GPC5: variants seen among roughly 807,000 people sequenced by gnomAD.
The protein encoded by GPC5 is glypican-5.
Under a neutral mutation model 53.9 loss-of-function variants are expected in GPC5, and 47 were observed. That is an observed-to-expected ratio of 0.87 (90% CI 0.69 to 1.11). The LOEUF (loss-of-function observed/expected upper bound fraction) is 1.11, where lower values mean the gene tolerates loss of function less well. Ranked by LOEUF, GPC5 falls within the 50% of genes most tolerant of loss-of-function variation. GPC5 has a pLI of 0.00. For missense variants in GPC5, 748 were observed against 713.1 expected (o/e 1.05, Z -0.56); for synonymous variants, 286 against 263.3 (o/e 1.09, Z -0.84).
chr13:92,171,083 C>T (rs1376086643), intron 7 of GPC5, among the ~76,000 whole-genome samples: 1 of 152,148 alleles, frequency 6.6e-6, no homozygotes, highest in Admixed American at 6.5e-5. Context: ...ACCTTACTAT[C>T]ATATGGAAAT....
At chr13:91,741,635 CAT>C (rs1196924234) in intron 4 of GPC5, among the ~76,000 whole-genome samples, 2 of 152,058 alleles carry the variant, frequency 1.3e-5, no homozygotes, top group African/African-American at 2.4e-5. Context: ...AATAAAAAAA[CAT>C]AGAGCTTATA....
chr13:92,606,860 G>A (rs1265506360), intron 7 of GPC5, among the ~76,000 whole-genome samples: 7 of 152,024 alleles, frequency 4.6e-5, no homozygotes, highest in African/African-American at 1.7e-4. Context: ...TGGTAGTACG[G>A]TACAATGTAA....
At chr13:92,320,102 GA>G (rs556899597) in intron 7 of GPC5, among the ~76,000 whole-genome samples, 2 of 151,588 alleles carry the variant, frequency 1.3e-5, no homozygotes, top group African/African-American at 4.8e-5. Flanking sequence ...GTCTGAATTA[GA>G]AAAAAAATGA....
At chr13:92,161,676 G>T (rs936105062) in intron 7 of GPC5, among the ~76,000 whole-genome samples, 2 of 151,836 alleles carry the variant, frequency 1.3e-5, no homozygotes, top group African/African-American at 4.8e-5. Context: ...TTTTGCATTA[G>T]TTTAATGTGT....
chr13:92,284,860 C>T (rs1269761713), intron 7 of GPC5, among the ~76,000 whole-genome samples: 3 of 152,290 alleles, frequency 2.0e-5, no homozygotes, highest in Non-Finnish European at 4.4e-5. Context: ...CTCACCACGC[C>T]TATTCAACGT....
intron 7 of GPC5, among the ~76,000 whole-genome samples, chr13:92,408,565 G>A (rs1274178606): frequency 6.6e-6 from 1 of 151,864 alleles, no homozygotes; most frequent in Non-Finnish European, 1.5e-5. Context: ...GGCCTAGGGA[G>A]CAAGTGATTG....
chr13:92,643,548 T>TA (rs1167046277), intron 7 of GPC5, among the ~76,000 whole-genome samples: 3 of 142,590 alleles, frequency 2.1e-5, no homozygotes, highest in Non-Finnish European at 3.1e-5. Context: ...TATGCAGCCA[T>TA]AAAAAATGAT....
intron 7 of GPC5, among the ~76,000 whole-genome samples, chr13:92,172,901 T>C (rs145536746): frequency 0.013 from 1,964 of 151,552 alleles, 17 homozygotes; most frequent in Non-Finnish European, 0.021. Flanking sequence ...AAGAAAGCTC[T>C]TATAGTTCTA....
intron 6 of GPC5, among the ~76,000 whole-genome samples, chr13:92,064,424 T>C (rs2041149017): frequency 6.6e-6 from 1 of 152,160 alleles, no homozygotes; most frequent in Admixed American, 6.5e-5. Context: ...CAAGCGCTGT[T>C]ACAAAGAAAC....
intron 7 of GPC5, among the ~76,000 whole-genome samples, chr13:92,483,684 GT>G (rs1458669404): frequency 2.6e-5 from 4 of 151,518 alleles, no homozygotes; most frequent in South Asian, 2.1e-4. Context: ...TTATAATTTT[GT>G]TTTTTAACAT....
At chr13:91,688,599 A>C (rs998681251) in intron 2 of GPC5, among the ~76,000 whole-genome samples, 1 of 152,156 alleles carries the variant, frequency 6.6e-6, no homozygotes, top group African/African-American at 2.4e-5. Context: ...TTCAGGAAAT[A>C]AACAGAATAT....
chr13:91,591,865 G>C (rs1021022292), intron 2 of GPC5, among the ~76,000 whole-genome samples: 22 of 152,140 alleles, frequency 1.4e-4, no homozygotes, highest in Non-Finnish European at 2.2e-4. Flanking sequence ...GGATTCCTTT[G>C]ATTGGGTTTC....
At chr13:92,120,386 T>A (rs934947410) in intron 6 of GPC5, among the ~76,000 whole-genome samples, 1 of 152,176 alleles carries the variant, frequency 6.6e-6, no homozygotes, top group Non-Finnish European at 1.5e-5. Flanking sequence ...GCCTCCTGGG[T>A]AGCTGGGACT....
intron 7 of GPC5, among the ~76,000 whole-genome samples, chr13:92,710,485 A>G (rs1395996325): frequency 6.6e-6 from 1 of 152,250 alleles, no homozygotes; most frequent in Non-Finnish European, 1.5e-5. Flanking sequence ...AATGTAAAAC[A>G]TAGTAGAGAA....
chr13:91,619,809 A>G (rs1024327754), intron 2 of GPC5, among the ~76,000 whole-genome samples: 5 of 152,254 alleles, frequency 3.3e-5, no homozygotes, highest in Middle Eastern at 3.4e-3. Flanking sequence ...AGTCTGATCT[A>G]TGCTCAGTGG....
intron 6 of GPC5, among the ~76,000 whole-genome samples, chr13:91,963,223 A>C (rs906303965): frequency 2.0e-5 from 3 of 152,180 alleles, no homozygotes; most frequent in Non-Finnish European, 4.4e-5. Flanking sequence ...ATATGAAGGA[A>C]TAGGAATCCT....
chr13:92,216,826 A>C (rs2042413635), intron 7 of GPC5, among the ~76,000 whole-genome samples: 1 of 151,976 alleles, frequency 6.6e-6, no homozygotes, highest in Admixed American at 6.6e-5. Flanking sequence ...CCAAAATACA[A>C]AGATTAGCTG....
At chr13:92,484,884 G>T (rs751150873) in intron 7 of GPC5, among the ~76,000 whole-genome samples, 4 of 151,690 alleles carry the variant, frequency 2.6e-5, no homozygotes, top group Non-Finnish European at 2.9e-5. Context: ...ATAGGTGCGT[G>T]CCACCATGCC....
chr13:92,273,420 G>T lies in GPC5; in HGVS notation c.1561+128431G>T, dbSNP rs565234322. Among the ~76,000 whole-genome samples, 17 of 152,126 alleles carry T rather than the reference G, an allele frequency of 1.1e-4. No individual in the cohort carries two copies. The South Asian group carries it at 3.5e-3, about 32-fold the overall frequency. ...ATCAGTTTTCACATTTGTAAACAGG[G>T]ATAATAATAATATCTTTTAAGTATG... On this transcript the variant is annotated intron_variant, in intron 7 of 7. Transcript: ENST00000377067.
Sources: allele counts gnomAD v4.1 joint callset (sites outside exome capture counted in the v4.1 genomes callset), GRCh38; gene constraint gnomAD v4.1.1; transcripts MANE v1.5; gene names NCBI Gene and HGNC (gene_info 2026-07-23, HGNC 2026-07-21).